Variants in KLHL8 observed in about 807,000 individuals in gnomAD.
KLHL8 encodes kelch like family member 8.
In KLHL8, 38 loss-of-function variants were observed where a neutral mutation model predicts 63.5. The ratio of observed to expected loss-of-function variants is 0.60; its 90% CI spans 0.46 to 0.78. The LOEUF (loss-of-function observed/expected upper bound fraction) is 0.78, where lower values mean the gene tolerates loss of function less well. Ranked by LOEUF, KLHL8 falls within the 30% of genes least tolerant of loss-of-function variation. KLHL8 has a pLI of 0.00. For synonymous variants in KLHL8, 224 were observed against 254.3 expected, an observed-to-expected ratio of 0.88 and a Z score of 1.13; for missense variants, 566 against 752.4, an observed-to-expected ratio of 0.75 and a Z score of 2.90.
chr4:87,195,897 GAAC>G (rs1279384898), intron 1 of KLHL8, among the ~76,000 whole-genome samples: 4 of 151,964 alleles, frequency 2.6e-5, no homozygotes, highest in Admixed American at 6.6e-5. Flanking sequence ...AATCCAACAA[GAAC>G]AACTGACTTG....
intron 8 of KLHL8, chr4:87,167,196 C>T: frequency 1.9e-6 from 1 of 537,120 alleles, no homozygotes; most frequent in Non-Finnish European, 3.6e-6. Context: ...TCCACCCCCA[C>T]ACTAAGTCTT....
At chr4:87,230,432 A>T (rs1733115829) in intron 1 of KLHL8, among the ~76,000 whole-genome samples, 1 of 152,160 alleles carries the variant, frequency 6.6e-6, no homozygotes, top group Non-Finnish European at 1.5e-5. Flanking sequence ...CTGGAGAGAC[A>T]AGTAGCACCC....
At chr4:87,192,370 A>G (rs757024114) in intron 2 of KLHL8, among the ~76,000 whole-genome samples, 2 of 152,084 alleles carry the variant, frequency 1.3e-5, no homozygotes, top group African/African-American at 2.4e-5. Context: ...ACTGGTGATG[A>G]TGAGTTATTT....
intron 1 of KLHL8, among the ~76,000 whole-genome samples, chr4:87,214,211 CTT>C (rs11336481): frequency 4.2e-5 from 6 of 141,790 alleles, no homozygotes; most frequent in Admixed American, 7.1e-5. Flanking sequence ...CCTAAGTCAT[CTT>C]TTTTTTTTTA....
chr4:87,183,493 C>T, intron 3 of KLHL8, 104 bp from the exon 4 acceptor site: 1 of 830,432 alleles, frequency 1.2e-6, no homozygotes, highest in Non-Finnish European at 1.8e-6. Flanking sequence ...ATGAGTAATT[C>T]TCCACTTCTA....
chr4:87,205,040 A>G (rs1281011241), intron 1 of KLHL8, among the ~76,000 whole-genome samples: 1 of 152,168 alleles, frequency 6.6e-6, no homozygotes, highest in Non-Finnish European at 1.5e-5. Context: ...TCAGGATAAA[A>G]CTCAAAAGAC....
intron 1 of KLHL8, among the ~76,000 whole-genome samples, chr4:87,238,887 A>G (rs373481612): frequency 6.6e-6 from 1 of 152,198 alleles, no homozygotes; most frequent in Non-Finnish European, 1.5e-5. Context: ...CTATCTGCCT[A>G]TATTTTATCA....
Position 87,195,709 on chromosome 4 carries a change from A to G in KLHL8, c.-151-19T>C, listed in dbSNP as rs539340871. ...GCTGTGACTGAAAAATCAACAATAAAACAGGTAGAGACAAACGAAAAGAAA... is the reference window on the plus strand; with the variant it reads ...GCTGTGACTGAAAAATCAACAATAAGACAGGTAGAGACAAACGAAAAGAAA... On this transcript the variant is annotated intron_variant, in intron 1 of 9. Transcript: ENST00000273963. 3.6e-6 allele frequency: 2 copies of G among 549,634 alleles called. No individual in the cohort carries two copies. Among genetic ancestry groups the G allele is most frequent in the East Asian group, 5.8e-5 (2 of 34,696 alleles). 34.0% of individuals were successfully genotyped at this position (549,634 alleles called of 1,614,324 possible). A position where few individuals can be genotyped will look rare whatever the true frequency, so the allele number is the denominator to read the frequency against.
chr4:87,219,896 G>C (rs1301349206), intron 1 of KLHL8: 1 of 152,116 alleles, frequency 6.6e-6, no homozygotes, highest in Non-Finnish European at 1.5e-5. Context: ...CCTCGTCCCC[G>C]CGCGGCGTGG....
chr4:87,184,254 T>A (rs1341784850), intron 3 of KLHL8, among the ~76,000 whole-genome samples: 3 of 152,228 alleles, frequency 2.0e-5, no homozygotes, highest in Admixed American at 6.5e-5. Context: ...TGAGAAGATG[T>A]AAATGTGTTC....
chr4:87,222,355 C>T (rs12505327), upstream of KLHL8, among the ~76,000 whole-genome samples: 38,473 of 151,954 alleles, frequency 0.25, 5,399 homozygotes, highest in Non-Finnish European at 0.31. Flanking sequence ...CCCTTTCCCC[C>T]ATAAAGAAGA....
At chr4:87,167,357 C>T in intron 8 of KLHL8, 1 of 437,456 alleles carries the variant, frequency 2.3e-6, no homozygotes, top group East Asian at 5.5e-5. Context: ...TATAAAGAGC[C>T]ATCTACAGAT....
chr4:87,174,340 G>A (rs1330528035), intron 6 of KLHL8, among the ~76,000 whole-genome samples: 6 of 151,298 alleles, frequency 4.0e-5, no homozygotes, highest in Non-Finnish European at 5.9e-5. Context: ...GTGCAATGGC[G>A]CAATCTCGGC....
chr4:87,220,539 G>A lies in KLHL8; in HGVS notation c.-273C>T, dbSNP rs916456483. On this transcript the variant is annotated 5_prime_UTR_variant, in exon 1 of 10. Coordinates refer to ENST00000273963, the MANE Select transcript of KLHL8 (RefSeq NM_020803.5). ...CCCCGCGCGAGCACCCGGCGGACGCGCGCTCTCCTGCGCGGCCCCGCGGAG... is the reference window on the plus strand; with the variant it reads ...CCCCGCGCGAGCACCCGGCGGACGCACGCTCTCCTGCGCGGCCCCGCGGAG... The A allele has an allele frequency of 2.6e-5, 4 of 152,068 alleles. No individual in the cohort carries two copies. Among genetic ancestry groups the A allele is most frequent in the African/African-American group, 9.7e-5 (4 of 41,426 alleles). The allele number at this position is 152,068 out of a possible 1,614,324, so 9.4% of individuals were successfully genotyped here.
rs768139635 is a variant in KLHL8, at chr4:87,185,464, T to C, written c.552A>G (p.Leu184=). The C allele has an allele frequency of 6.2e-7, 1 of 1,614,206 alleles. No homozygotes were observed. Among genetic ancestry groups the C allele is most frequent in the South Asian group, 1.1e-5 (1 of 91,084 alleles). ...AGGCATACTGATCCGCCATGTCCAT[T>C]AAGTCTATTCGATTGTGACTTTCTG... ...AFAESHNRID[L]MDMADQYACD... is the part of the protein sequence containing the mutation. The change falls in exon 3 of 10, where the codon TTA becomes TTG. Residue 184 remains leucine (L), a synonymous_variant. Transcript: ENST00000273963.
At chr4:87,203,047 C>T (rs1005254954) in intron 1 of KLHL8, among the ~76,000 whole-genome samples, 1 of 152,090 alleles carries the variant, frequency 6.6e-6, no homozygotes, top group African/African-American at 2.4e-5. Flanking sequence ...TTAAACCATA[C>T]TAAACCACCA....
intron 1 of KLHL8, among the ~76,000 whole-genome samples, chr4:87,232,656 T>C (rs540758499): frequency 1.3e-5 from 2 of 152,384 alleles, no homozygotes; most frequent in South Asian, 4.1e-4. Context: ...AGGACTCCAG[T>C]GATCGTACAT....
At chr4:87,207,080 G>A (rs895044934) in intron 1 of KLHL8, 35 of 473,082 alleles carry the variant, frequency 7.4e-5, no homozygotes, top group Middle Eastern at 7.3e-4. Flanking sequence ...CAGCTGCATC[G>A]CTGAGGTAGT....
At chr4:87,179,071 T>C (rs1286577053) in intron 4 of KLHL8, among the ~76,000 whole-genome samples, 1 of 152,214 alleles carries the variant, frequency 6.6e-6, no homozygotes. Flanking sequence ...TTCTCACATA[T>C]TTTTTGCTCA....
Sources: allele counts gnomAD v4.1 joint callset (sites outside exome capture counted in the v4.1 genomes callset), GRCh38; gene constraint gnomAD v4.1.1; transcripts MANE v1.5; gene names NCBI Gene and HGNC (gene_info 2026-07-23, HGNC 2026-07-21).